The following CADPS variants were observed in gnomAD, a reference collection of about 807,000 sequenced individuals.
The protein encoded by CADPS is calcium-dependent secretion activator 1.
Under a neutral mutation model 167.3 loss-of-function variants are expected in CADPS, and 57 were observed. The ratio of observed to expected loss-of-function variants is 0.34; its 90% CI spans 0.28 to 0.42. The LOEUF is 0.42. Ranked by LOEUF, CADPS falls within the 20% of genes least tolerant of loss-of-function variation. The probability of loss-of-function intolerance (pLI) is 1.00; values close to 1 mark genes in which losing one functional copy is unlikely to be tolerated. For synonymous variants in CADPS, 676 were observed against 635.3 expected (o/e 1.06, Z -0.96); for missense variants, 1,414 against 1,738.1 (o/e 0.81, Z 3.32).
chr3:62,674,469 A>T (rs550598242), intron 3 of CADPS, among the ~76,000 whole-genome samples: 2 of 152,284 alleles, frequency 1.3e-5, no homozygotes, highest in South Asian at 4.1e-4. Context: ...GCCATTGTTC[A>T]AAGTCAAAAA....
chr3:62,658,241 C>T (rs2150378715), intron 4 of CADPS, among the ~76,000 whole-genome samples: 1 of 152,206 alleles, frequency 6.6e-6, no homozygotes, highest in Admixed American at 6.5e-5. Context: ...TAATGTAACG[C>T]CAAAGATTGT....
intron 3 of CADPS, among the ~76,000 whole-genome samples, chr3:62,728,470 T>C (rs540659244): frequency 6.6e-6 from 1 of 152,048 alleles, no homozygotes; most frequent in South Asian, 2.1e-4. Flanking sequence ...TCAGTTTTCC[T>C]TTTTCTGACT....
chr3:62,825,299 A>G (rs781267301), intron 1 of CADPS, among the ~76,000 whole-genome samples: 2 of 152,220 alleles, frequency 1.3e-5, no homozygotes, highest in Middle Eastern at 3.4e-3. Flanking sequence ...TAATGTCCTT[A>G]TTTTAGGGGT....
At chr3:62,814,242 A>C (rs1414895671) in intron 1 of CADPS, 2 of 152,164 alleles carry the variant, frequency 1.3e-5, no homozygotes, top group Non-Finnish European at 1.5e-5. Flanking sequence ...CTAAAAACAC[A>C]GTAAAAATGT....
At chr3:62,557,734 G>A (rs947942907) in intron 9 of CADPS, among the ~76,000 whole-genome samples, 53 of 152,282 alleles carry the variant, frequency 3.5e-4, no homozygotes, top group African/African-American at 1.2e-3. Context: ...TACCTCATTG[G>A]CTTACTGTGA....
At chr3:62,762,828 C>T (rs993991364) in intron 2 of CADPS, among the ~76,000 whole-genome samples, 8 of 152,044 alleles carry the variant, frequency 5.3e-5, no homozygotes, top group South Asian at 2.1e-4. Flanking sequence ...CAAAACAAGA[C>T]CGATATCTAA....
At chr3:62,782,865 T>A (rs2971929) in intron 1 of CADPS, among the ~76,000 whole-genome samples, 1 of 151,254 alleles carries the variant, frequency 6.6e-6, no homozygotes, top group Non-Finnish European at 1.5e-5. Context: ...GTTCAAACGA[T>A]TCTCCTACCT....
chr3:62,556,647 T>C (rs962652674), intron 10 of CADPS, among the ~76,000 whole-genome samples: 1 of 152,142 alleles, frequency 6.6e-6, no homozygotes, highest in Admixed American at 6.5e-5. Flanking sequence ...CCCTCCCATT[T>C]TGAAGGTTCT....
At chr3:62,450,616 C>G (rs890128045) in intron 26 of CADPS, among the ~76,000 whole-genome samples, 6 of 152,200 alleles carry the variant, frequency 3.9e-5, no homozygotes, top group African/African-American at 9.7e-5. Context: ...GTCCCCGACT[C>G]TCCAGATAGA....
At chr3:62,441,700 A>G (rs1186460688) in intron 27 of CADPS, among the ~76,000 whole-genome samples, 1 of 152,212 alleles carries the variant, frequency 6.6e-6, no homozygotes, top group African/African-American at 2.4e-5. Context: ...GATAGAAATG[A>G]GTTGAGAAAT....
intron 3 of CADPS, among the ~76,000 whole-genome samples, chr3:62,705,105 G>T (rs2082091093): frequency 6.6e-6 from 1 of 152,118 alleles, no homozygotes; most frequent in Admixed American, 6.5e-5. Context: ...GAGGGGCTCT[G>T]GGAGACACTA....
intron 26 of CADPS, among the ~76,000 whole-genome samples, chr3:62,453,896 C>G (rs983256239): frequency 6.6e-6 from 1 of 152,144 alleles, no homozygotes; most frequent in Non-Finnish European, 1.5e-5. Flanking sequence ...AGCACTGGGT[C>G]AAATGCTACA....
intron 8 of CADPS, among the ~76,000 whole-genome samples, chr3:62,583,384 G>A (rs944908780): frequency 3.3e-5 from 5 of 152,146 alleles, no homozygotes; most frequent in South Asian, 2.1e-4. Context: ...GAAATTCCAC[G>A]AATATTGTCA....
At chr3:62,515,066 A>G (rs1391991081) in intron 16 of CADPS, among the ~76,000 whole-genome samples, 1 of 152,108 alleles carries the variant, frequency 6.6e-6, no homozygotes, top group Non-Finnish European at 1.5e-5. Context: ...ATTTGACATA[A>G]TCTTAACCTA....
intron 6 of CADPS, among the ~76,000 whole-genome samples, chr3:62,644,368 C>T (rs2068072777): frequency 6.6e-6 from 1 of 152,022 alleles, no homozygotes; most frequent in Non-Finnish European, 1.5e-5. Flanking sequence ...GGGAAGGGAG[C>T]AATGATCTCT....
chr3:62,712,027 T>C (rs2083488911), intron 3 of CADPS, among the ~76,000 whole-genome samples: 1 of 152,176 alleles, frequency 6.6e-6, no homozygotes, highest in African/African-American at 2.4e-5. Context: ...TTTGACATCT[T>C]TCTATTTCAG....
At chr3:62,681,596 T>C (rs2077167664) in intron 3 of CADPS, among the ~76,000 whole-genome samples, 1 of 152,080 alleles carries the variant, frequency 6.6e-6, no homozygotes, top group Non-Finnish European at 1.5e-5. Flanking sequence ...GCAGAAACTA[T>C]AGCTGGCTTC....
intron 6 of CADPS, among the ~76,000 whole-genome samples, chr3:62,614,835 G>C (rs938464626): frequency 2.2e-4 from 34 of 152,170 alleles, no homozygotes; most frequent in African/African-American, 7.7e-4. Context: ...TCACTAACTA[G>C]CTATGTGATC....
chr3:62,774,189 G>A (rs1373172526), intron 1 of CADPS, among the ~76,000 whole-genome samples: 1 of 152,042 alleles, frequency 6.6e-6, no homozygotes, highest in Non-Finnish European at 1.5e-5. Context: ...GAAAAGAAGA[G>A]AAGGAGAAGG....
Sources: allele counts gnomAD v4.1 joint callset (sites outside exome capture counted in the v4.1 genomes callset), GRCh38; gene constraint gnomAD v4.1.1; transcripts MANE v1.5; gene names NCBI Gene and HGNC (gene_info 2026-07-23, HGNC 2026-07-21).